The following SLC9D1 variants were observed in gnomAD, a reference collection of about 807,000 sequenced individuals.
SLC9D1 encodes the protein putative LAG1-interacting protein.
the SLC9D1 span, among the ~76,000 whole-genome samples, chr13:113,509,257 C>T: frequency 6.4e-4 from 38 of 59,744 alleles, 1 homozygote; most frequent in East Asian, 0.022. Context: ...CGCTGCCTGT[C>T]TATGTTGGGA....
At chr13:113,539,339 G>T in the SLC9D1 span, 1 of 1,609,250 alleles carries the variant, frequency 6.2e-7, no homozygotes. The surrounding 1 kb of genome is among the most constrained non-coding windows in gnomAD (Gnocchi z 4.8). Context: ...ATGTAAAGCT[G>T]CGTCCTGCCT....
the SLC9D1 span, chr13:113,510,241 T>A: frequency 6.2e-7 from 1 of 1,614,060 alleles, no homozygotes; most frequent in East Asian, 2.2e-5. Flanking sequence ...CTTTAAGGTG[T>A]GGAAGATTTC....
the SLC9D1 span, among the ~76,000 whole-genome samples, chr13:113,509,364 T>C: frequency 1.4e-5 from 2 of 140,496 alleles, no homozygotes; most frequent in South Asian, 4.7e-4. Flanking sequence ...ATGTTGGGGC[T>C]GGTGGGCTTG....
the SLC9D1 span, among the ~76,000 whole-genome samples, chr13:113,510,962 G>T: frequency 2.6e-5 from 4 of 151,970 alleles, no homozygotes; most frequent in Admixed American, 1.3e-4. Flanking sequence ...AGGCAGGACC[G>T]TGTCCCTCTG....
chr13:113,518,805 C>T, the SLC9D1 span, among the ~76,000 whole-genome samples: 1 of 152,164 alleles, frequency 6.6e-6, no homozygotes. Flanking sequence ...AAGCTGTAGC[C>T]ACAACAGCTT....
chr13:113,538,193 A>C, the SLC9D1 span, among the ~76,000 whole-genome samples: 1 of 151,110 alleles, frequency 6.6e-6, no homozygotes, highest in South Asian at 2.1e-4. Flanking sequence ...TGGTTTGTGT[A>C]CGTGTGTGTG....
the SLC9D1 span, among the ~76,000 whole-genome samples, chr13:113,541,062 G>A: frequency 1.1e-3 from 165 of 152,210 alleles, no homozygotes; most frequent in African/African-American, 3.9e-3. Flanking sequence ...TGCCTGTCCC[G>A]ATGGCTTGTG....
chr13:113,547,296 A>G, the SLC9D1 span: 12 of 1,613,590 alleles, frequency 7.4e-6, no homozygotes, highest in African/African-American at 4.0e-5. Context: ...CCTGTTCCCA[A>G]CAGGGCTCCA....
chr13:113,519,775 G>A, the SLC9D1 span, among the ~76,000 whole-genome samples: 1 of 152,152 alleles, frequency 6.6e-6, no homozygotes, highest in African/African-American at 2.4e-5. Context: ...GTCTCACAGC[G>A]AAGGCTCATT....
At chr13:113,541,033 G>T in the SLC9D1 span, among the ~76,000 whole-genome samples, 1,572 of 152,186 alleles carry the variant, frequency 0.01, 25 homozygotes, top group African/African-American at 0.036. Context: ...TGGGTGTGCG[G>T]CCTGATTTCT....
At chr13:113,525,583 G>A in the SLC9D1 span, among the ~76,000 whole-genome samples, 4 of 131,248 alleles carry the variant, frequency 3.0e-5, no homozygotes, top group Admixed American at 7.8e-5. Context: ...GCTCTGTGCC[G>A]GTTATTCTAG....
chr13:113,517,444 G>A, the SLC9D1 span, among the ~76,000 whole-genome samples: 3 of 152,128 alleles, frequency 2.0e-5, no homozygotes, highest in African/African-American at 4.8e-5. Context: ...TAGCCAGGAT[G>A]GTCTCGATCT....
the SLC9D1 span, chr13:113,500,192 G>T: frequency 1.5e-6 from 2 of 1,294,826 alleles, no homozygotes; most frequent in South Asian, 2.3e-5. Context: ...CCCAATTCCT[G>T]GTTCATGGTG....
chr13:113,513,239 T>G, the SLC9D1 span, among the ~76,000 whole-genome samples: 1 of 152,174 alleles, frequency 6.6e-6, no homozygotes, highest in Admixed American at 6.5e-5. Flanking sequence ...ACAAGTCATG[T>G]GTGCCCAGTG....
the SLC9D1 span, among the ~76,000 whole-genome samples, chr13:113,522,675 T>C: frequency 1.3e-5 from 2 of 151,824 alleles, no homozygotes; most frequent in African/African-American, 4.8e-5. Flanking sequence ...ACTCTGTTGC[T>C]CAGGCTGGAT....
the SLC9D1 span, among the ~76,000 whole-genome samples, chr13:113,546,097 C>T: frequency 2.0e-5 from 3 of 152,066 alleles, no homozygotes; most frequent in African/African-American, 7.2e-5. This position sits in a 1 kb window ranked among gnomAD's most constrained non-coding sequence, Gnocchi z 7.1. Flanking sequence ...GAGGTGGGAG[C>T]GTCCCCTGTG....
chr13:113,522,550 C>T, the SLC9D1 span, among the ~76,000 whole-genome samples: 1 of 152,164 alleles, frequency 6.6e-6, no homozygotes, highest in Non-Finnish European at 1.5e-5. Flanking sequence ...CTGTGTTAGC[C>T]AGGATGGTCT....
chr13:113,509,204 G>GCC, the SLC9D1 span, among the ~76,000 whole-genome samples: 1 of 128,862 alleles, frequency 7.8e-6, no homozygotes, highest in East Asian at 2.4e-4. Flanking sequence ...GGAGCTGCCT[G>GCC]TGTATGTTGG....
chr13:113,549,364 T>C, the SLC9D1 span: 195 of 1,585,132 alleles, frequency 1.2e-4, no homozygotes, highest in Non-Finnish European at 1.6e-4. Context: ...CCCTGTGCTT[T>C]CCTGTTGCAG....
Sources: gnomAD v4.1 joint callset for allele counts (sites outside exome capture counted in the v4.1 genomes callset) on GRCh38, gnomAD v4.1.1 for gene constraint, Gnocchi (gnomAD v3.1) non-coding constraint, MANE v1.5 for transcripts, NCBI Gene and HGNC (gene_info 2026-07-23, HGNC 2026-07-21) for gene names.